C10orf67: variants seen among roughly 807,000 people sequenced by gnomAD.
C10orf67 encodes chromosome 10 open reading frame 67.
In C10orf67, 60 loss-of-function variants were observed where a neutral mutation model predicts 35.6. The observed-to-expected ratio is 1.68, with a 90% CI of 1.37 to 2.09. C10orf67 has a LOEUF of 2.09. C10orf67 is among the 30% of genes most tolerant of loss of function. The pLI, the probability that C10orf67 is intolerant of heterozygous loss-of-function variation, is 0.00. For synonymous variants in C10orf67, 167 were observed against 115.8 expected, an observed-to-expected ratio of 1.44 and a Z score of -2.84; for missense variants, 474 against 330.2, an observed-to-expected ratio of 1.44 and a Z score of -3.38.
In C10orf67 at chr10:23,334,609, A is replaced by C. The variant is rs1044667475; in HGVS notation, c.207-1427T>G. On this transcript the variant is annotated intron_variant, in intron 1 of 15. Coordinates refer to ENST00000636213, the MANE Select transcript of C10orf67 (RefSeq NM_001371909.1). ...GAAGTTGACCATATCCACAGTGCCA[A>C]GTATAACTCCAAGCTGGGCTAAGCC... Among the ~76,000 whole-genome samples, 7 of 152,384 alleles carry C rather than the reference A, an allele frequency of 4.6e-5. No homozygotes were observed. The East Asian group carries it at 1.4e-3, about 29-fold the overall frequency.
rs1308290131 is a variant in C10orf67, at chr10:23,320,709, C to T, written c.546+32G>A. The stretch of plus-strand genomic sequence containing the variant: ...ACACAGCAGCTGAAGCTAGCCTTGC[C>T]CACAACTACGGCACCAGAAACAGAA... On this transcript the variant is annotated intron_variant, in intron 4 of 15. Transcript: ENST00000636213. 4 of 1,535,494 alleles carry T rather than the reference C, an allele frequency of 2.6e-6. No individual in the cohort carries two copies. In the African/African-American group the frequency reaches 4.1e-5, roughly 16 times the overall value.
chr10:23,229,822 A>G (rs1284047394), intron 13 of C10orf67, among the ~76,000 whole-genome samples: 1 of 152,182 alleles, frequency 6.6e-6, no homozygotes, highest in Non-Finnish European at 1.5e-5. Context: ...ATAAAACTCT[A>G]TTGAAATAAT....
chr10:23,296,304 C>T (rs763918275), intron 5 of C10orf67, among the ~76,000 whole-genome samples: 9 of 152,100 alleles, frequency 5.9e-5, no homozygotes, highest in Admixed American at 1.3e-4. Context: ...GTTTATATCC[C>T]GATCATTGTC....
chr10:23,311,519 C>T (rs1174501398), intron 4 of C10orf67, among the ~76,000 whole-genome samples: 1 of 152,104 alleles, frequency 6.6e-6, no homozygotes, highest in East Asian at 1.9e-4. Flanking sequence ...CGAGACCAGC[C>T]TGACCAACAT....
chr10:23,330,556 A>C (rs923139314), intron 2 of C10orf67, among the ~76,000 whole-genome samples: 1 of 152,002 alleles, frequency 6.6e-6, no homozygotes, highest in Non-Finnish European at 1.5e-5. Context: ...CTGCCTAACA[A>C]GGTGAAACCC....
chr10:23,282,921 G>A (rs1308868190), intron 7 of C10orf67, among the ~76,000 whole-genome samples: 1 of 151,996 alleles, frequency 6.6e-6, no homozygotes, highest in Non-Finnish European at 1.5e-5. Context: ...TGCTGGGAAG[G>A]GTAGTGAGGG....
Position 23,344,365 on chromosome 10 carries a change from G to A in C10orf67, c.206+204C>T, listed in dbSNP as rs1846053017. On this transcript the variant is annotated intron_variant, in intron 1 of 15. Coordinates refer to ENST00000636213, the MANE Select transcript of C10orf67 (RefSeq NM_001371909.1). ...GGAGGGGAGTGGAGAGGGGGAGGAGGAGGCGGGGCGGGCTCCCAAGCCACC... is the reference window on the plus strand; with the variant it reads ...GGAGGGGAGTGGAGAGGGGGAGGAGAAGGCGGGGCGGGCTCCCAAGCCACC... The A allele has an allele frequency of 2.5e-5, 15 of 598,352 alleles. No homozygotes were observed. In the South Asian group the frequency reaches 3.0e-4, roughly 12 times the overall value. The allele number at this position is 598,352 out of a possible 1,614,324, so 37.1% of individuals were successfully genotyped here.
At chr10:23,221,213 A>G (rs1841571860) in intron 15 of C10orf67, among the ~76,000 whole-genome samples, 2 of 152,156 alleles carry the variant, frequency 1.3e-5, no homozygotes, top group South Asian at 2.1e-4. Flanking sequence ...CATGTCTTAC[A>G]ATGGAGGAGC....
chr10:23,288,040 C>G (rs1485422726), intron 7 of C10orf67, among the ~76,000 whole-genome samples: 2 of 152,190 alleles, frequency 1.3e-5, no homozygotes, highest in African/African-American at 2.4e-5. Context: ...TTAGTTCAAC[C>G]ATTGTGGAAG....
At chr10:23,270,695 G>A (rs979778575) in intron 8 of C10orf67, among the ~76,000 whole-genome samples, 3 of 152,360 alleles carry the variant, frequency 2.0e-5, no homozygotes, top group African/African-American at 7.2e-5. Context: ...AATTCCCAGG[G>A]GGAGAGGCGG....
intron 10 of C10orf67, among the ~76,000 whole-genome samples, chr10:23,260,987 A>G (rs192024700): frequency 1.4e-3 from 210 of 152,298 alleles, no homozygotes; most frequent in African/African-American, 5.0e-3. Context: ...CAAATTGTCA[A>G]CTAGGGAGAC....
intron 7 of C10orf67, among the ~76,000 whole-genome samples, chr10:23,285,821 A>G (rs1471546562): frequency 1.3e-5 from 2 of 152,248 alleles, no homozygotes; most frequent in Non-Finnish European, 2.9e-5. Flanking sequence ...TAAATTATCA[A>G]AACTTAGTTC....
chr10:23,243,933 C>A (rs1461233050), intron 12 of C10orf67, among the ~76,000 whole-genome samples: 1 of 152,124 alleles, frequency 6.6e-6, no homozygotes, highest in Non-Finnish European at 1.5e-5. Flanking sequence ...ACTCTGTCAC[C>A]CAGGCTAGAG....
chr10:23,226,925 A>T (rs1841758686), intron 13 of C10orf67, among the ~76,000 whole-genome samples: 1 of 152,260 alleles, frequency 6.6e-6, no homozygotes, highest in South Asian at 2.1e-4. Context: ...CAATAACAGG[A>T]TCTGAAATTG....
chr10:23,270,369 T>C (rs1201762321), intron 8 of C10orf67, among the ~76,000 whole-genome samples: 1 of 152,166 alleles, frequency 6.6e-6, no homozygotes, highest in Non-Finnish European at 1.5e-5. Context: ...CTTTGCAACC[T>C]GTGGATCAGG....
chr10:23,288,057 T>C (rs192889196), intron 7 of C10orf67, among the ~76,000 whole-genome samples: 5 of 152,302 alleles, frequency 3.3e-5, no homozygotes, highest in African/African-American at 9.6e-5. Flanking sequence ...GAAGACAGTA[T>C]GGAGTATTCC....
rs190113062 is a variant in C10orf67 at position 23,232,125 on chromosome 10, C to T, written c.1434+7604G>A. Among the ~76,000 whole-genome samples, 184 of 152,172 alleles carry T rather than the reference C, an allele frequency of 1.2e-3. 1 individual carries two copies. The highest frequency in any genetic ancestry group is 4.2e-3 in the African/African-American group (174 of 41,498). ...AGCTATGGCCTTGCTCTTGGGAATGCGGGCATTCGTGTTATTATCAATCTT... is the reference window on the plus strand; with the variant it reads ...AGCTATGGCCTTGCTCTTGGGAATGTGGGCATTCGTGTTATTATCAATCTT... On this transcript the variant is annotated intron_variant, in intron 13 of 15. Coordinates refer to ENST00000636213, the MANE Select transcript of C10orf67 (RefSeq NM_001371909.1).
At chr10:23,212,051 A>G (rs191655401) in intron 15 of C10orf67, among the ~76,000 whole-genome samples, 1 of 152,206 alleles carries the variant, frequency 6.6e-6, no homozygotes, top group Admixed American at 6.5e-5. Context: ...TCAAATTAAG[A>G]TGAGGTCATT....
At chr10:23,278,991 C>T (rs535184183) in intron 8 of C10orf67, among the ~76,000 whole-genome samples, 115 of 152,282 alleles carry the variant, frequency 7.6e-4, no homozygotes, top group African/African-American at 2.7e-3. Flanking sequence ...GCGGCTCATG[C>T]CTGTAATCCC....
Sources: allele counts gnomAD v4.1 joint callset (sites outside exome capture counted in the v4.1 genomes callset), GRCh38; gene constraint gnomAD v4.1.1; transcripts MANE v1.5; gene names NCBI Gene and HGNC (gene_info 2026-07-23, HGNC 2026-07-21).